The following MKLN1 variants were observed in gnomAD, a reference collection of about 807,000 sequenced individuals.
The protein encoded by MKLN1 is muskelin.
A neutral mutation model predicts 99.0 loss-of-function variants in MKLN1; 18 were observed. The observed-to-expected ratio is 0.18, with a 90% CI of 0.13 to 0.27. The LOEUF (loss-of-function observed/expected upper bound fraction) is 0.27. Ranked by LOEUF, MKLN1 falls within the 10% of genes least tolerant of loss-of-function variation. The pLI, the probability that MKLN1 is intolerant of heterozygous loss-of-function variation, is 1.00. For synonymous variants in MKLN1, 288 were observed against 293.2 expected, an observed-to-expected ratio of 0.98 and a Z score of 0.18; for missense variants, 621 against 875.9, an observed-to-expected ratio of 0.71 and a Z score of 3.67.
intron 1 of MKLN1, among the ~76,000 whole-genome samples, chr7:131,116,369 T>C (rs1795278449): frequency 1.3e-5 from 2 of 152,046 alleles, no homozygotes; most frequent in Non-Finnish European, 2.9e-5. Flanking sequence ...TGGACGTTTA[T>C]ATTCTCTGAG....
At chr7:131,185,577 C>CAA (rs922804544) in intron 2 of MKLN1, among the ~76,000 whole-genome samples, 1 of 149,504 alleles carries the variant, frequency 6.7e-6, no homozygotes, top group East Asian at 2.0e-4. Context: ...GATTCCATCT[C>CAA]AAAAAAAAAT....
chr7:131,245,969 G>A (rs1442513042), intron 3 of MKLN1, among the ~76,000 whole-genome samples: 2 of 152,208 alleles, frequency 1.3e-5, no homozygotes, highest in Non-Finnish European at 2.9e-5. Context: ...CGTGATTGCT[G>A]TGCACCTGTG....
At chr7:131,264,758 C>T (rs1368127652) in intron 3 of MKLN1, among the ~76,000 whole-genome samples, 18 of 152,108 alleles carry the variant, frequency 1.2e-4, no homozygotes, top group Non-Finnish European at 2.1e-4. Context: ...GCAGGACAGA[C>T]TCTAACCTTA....
intron 17 of MKLN1, among the ~76,000 whole-genome samples, chr7:131,481,660 A>G (rs572162765): frequency 5.9e-5 from 9 of 152,310 alleles, no homozygotes; most frequent in Middle Eastern, 6.8e-3. Context: ...AGTACTTTTC[A>G]TAAGGTTTCA....
chr7:131,209,002 T>C (rs1796859600), intron 3 of MKLN1, among the ~76,000 whole-genome samples: 1 of 152,116 alleles, frequency 6.6e-6, no homozygotes, highest in Non-Finnish European at 1.5e-5. Flanking sequence ...AGTGATGACA[T>C]TTGAACAGTG....
intron 1 of MKLN1, among the ~76,000 whole-genome samples, chr7:131,353,231 T>C (rs1320967426): frequency 6.6e-6 from 1 of 152,128 alleles, no homozygotes; most frequent in Non-Finnish European, 1.5e-5. Context: ...ATCAACAATG[T>C]ATGAGGGATC....
intron 17 of MKLN1, 153 bp downstream of exon 17, chr7:131,478,830 T>A: frequency 1.1e-6 from 1 of 889,874 alleles, no homozygotes; most frequent in Non-Finnish European, 1.8e-6. Context: ...TCTAATAACC[T>A]GCTACAAGGT....
rs1797498171 is a variant in MKLN1 at position 131,246,936 on chromosome 7, C to T, written c.-179+43962C>T. ...AGGGTAAAGCTGACCTATCTCAGGG[C>T]ACTGTTGAGAGTGGAATGTGTGTGT... On this transcript the variant is annotated intron_variant, in intron 3 of 7. Coordinates refer to the MKLN1 transcript ENST00000416992. Among the ~76,000 whole-genome samples the T allele has an allele frequency of 2.6e-5, 4 of 152,124 alleles. No individual in the cohort carries two copies. The South Asian group carries it at 8.3e-4, about 31-fold the overall frequency.
chr7:131,299,116 A>G (rs1798338336), intron 3 of MKLN1, among the ~76,000 whole-genome samples: 1 of 152,224 alleles, frequency 6.6e-6, no homozygotes, highest in Non-Finnish European at 1.5e-5. Flanking sequence ...CACAGGGATC[A>G]TTATTGTAGG....
At chr7:131,346,755 T>C (rs1011420325) in intron 1 of MKLN1, among the ~76,000 whole-genome samples, 3 of 152,226 alleles carry the variant, frequency 2.0e-5, no homozygotes, top group Non-Finnish European at 4.4e-5. Flanking sequence ...TCCTAGGTTA[T>C]AAAATAATCT....
rs1797427622 is a variant in MKLN1, at chr7:131,491,688, G to C, written c.*3960G>C. 1 of 152,316 alleles carries C rather than the reference G, an allele frequency of 6.6e-6. No individual in the cohort carries two copies. The allele number at this position is 152,316 out of a possible 1,614,324, so 9.4% of individuals were successfully genotyped here. On this transcript the variant is annotated 3_prime_UTR_variant, in exon 18 of 18. Transcript: ENST00000352689. ...TTGTTTTGGGTGAGGACTCATTACT[G>C]CAGTATATTGATCTCTTCACCAAAT...
In MKLN1 at chr7:131,300,706, A is replaced by C. The variant is rs1186548355; in HGVS notation, c.-178-74718A>C. ...CTGTCTCAAAAAAAAAAAAACAACC[A>C]AAAAGAAAAAAAAAGAATGTGGAAT... On this transcript the variant is annotated intron_variant, in intron 3 of 7. Coordinates refer to the MKLN1 transcript ENST00000416992. 2.6e-5 allele frequency among the ~76,000 whole-genome samples: 3 copies of C among 114,436 alleles called. 1 individual carries two copies. Among genetic ancestry groups the C allele is most frequent in the Non-Finnish European group, 4.1e-5 (2 of 49,200 alleles). The allele number at this position is 114,436 out of a possible 152,430, so 75.1% of individuals were successfully genotyped here. A position where few individuals can be genotyped will look rare whatever the true frequency, so the allele number is the denominator to read the frequency against.
chr7:131,459,296 T>C (rs1294508183), intron 12 of MKLN1, among the ~76,000 whole-genome samples: 1 of 152,210 alleles, frequency 6.6e-6, no homozygotes, highest in African/African-American at 2.4e-5. Context: ...AGAATTTCTT[T>C]ATGGCGAGCT....
chr7:131,331,230 G>A (rs1413687845), intron 1 of MKLN1, among the ~76,000 whole-genome samples: 2 of 152,190 alleles, frequency 1.3e-5, no homozygotes, highest in Admixed American at 6.5e-5. Flanking sequence ...TACAGGGTAA[G>A]TAGCTTGCCC....
intron 16 of MKLN1, among the ~76,000 whole-genome samples, chr7:131,476,068 G>A (rs1796957992): frequency 2.0e-5 from 3 of 152,076 alleles, no homozygotes; most frequent in African/African-American, 7.2e-5. Flanking sequence ...GATCATCTTA[G>A]TAAGTGAAGA....
intron 2 of MKLN1, among the ~76,000 whole-genome samples, chr7:131,200,139 G>T (rs1796706092): frequency 6.6e-6 from 1 of 152,194 alleles, no homozygotes; most frequent in Non-Finnish European, 1.5e-5. Flanking sequence ...CTCCTGAGTA[G>T]CTGGGACTAC....
chr7:131,325,901 G>C (rs3807140), upstream of MKLN1, among the ~76,000 whole-genome samples: 64 of 115,042 alleles, frequency 5.6e-4, no homozygotes, highest in East Asian at 7.6e-3. Flanking sequence ...GGAGAAAAGT[G>C]GGGGGGGGGT....
intron 12 of MKLN1, among the ~76,000 whole-genome samples, chr7:131,447,001 A>G (rs1247045883): frequency 6.6e-6 from 1 of 152,226 alleles, no homozygotes; most frequent in Non-Finnish European, 1.5e-5. Flanking sequence ...CATCTAATGT[A>G]AAAAACGAAG....
chr7:131,134,690 T>C (rs1159241864), intron 1 of MKLN1, among the ~76,000 whole-genome samples: 4 of 152,168 alleles, frequency 2.6e-5, no homozygotes, highest in African/African-American at 9.6e-5. Flanking sequence ...TAAATCCCCC[T>C]TGGACTTGTT....
Sources: allele counts gnomAD v4.1 joint callset (sites outside exome capture counted in the v4.1 genomes callset), GRCh38; gene constraint gnomAD v4.1.1; transcripts MANE v1.5; gene names NCBI Gene and HGNC (gene_info 2026-07-23, HGNC 2026-07-21).